NDRG2: variants seen among roughly 807,000 people sequenced by gnomAD.
NDRG2 encodes the protein NDRG family member 2.
A neutral mutation model predicts 58.2 loss-of-function variants in NDRG2; 34 were observed. That is an observed-to-expected ratio of 0.58 (90% CI 0.44 to 0.78). The LOEUF (loss-of-function observed/expected upper bound fraction) is 0.78. Ranked by LOEUF, NDRG2 falls within the 30% of genes least tolerant of loss-of-function variation. The pLI, the probability that NDRG2 is intolerant of heterozygous loss-of-function variation, is 0.00. For synonymous variants in NDRG2, 187 were observed against 175.9 expected (o/e 1.06, Z -0.50); for missense variants, 434 against 471.2 (o/e 0.92, Z 0.73).
chr14:21,064,600 C>T (rs1886157391), intron 1 of NDRG2, among the ~76,000 whole-genome samples: 1 of 152,176 alleles, frequency 6.6e-6, no homozygotes, highest in African/African-American at 2.4e-5. Flanking sequence ...CCGCACCCAG[C>T]CTACTTGATG....
chr14:21,020,533 G>T lies in NDRG2; in HGVS notation c.518C>A (p.Pro173His), dbSNP rs1172869529. 1.2e-6 allele frequency: 2 copies of T among 1,613,710 alleles called. No individual in the cohort carries two copies. Among genetic ancestry groups the T allele is most frequent in the Admixed American group, 1.7e-5 (1 of 59,988 alleles). Residue 173 changes from proline (P) to histidine (H), a missense_variant, in exon 8 of 16, where the codon CCC (proline) becomes CAC (histidine). Coordinates refer to ENST00000556147, the MANE Select transcript of NDRG2 (RefSeq NM_001320329.2). Reference protein sequence around the residue: ...VEGLVLINIDPNAKGWMDWAA... With the variant: ...VEGLVLINIDHNAKGWMDWAA... ...CCAATCCATCCAACCCTTGGCATTG[G>T]GATCAATGTTGATGAGGACAAGACC...
intron 1 of NDRG2, among the ~76,000 whole-genome samples, chr14:21,060,465 G>T (rs535148189): frequency 2.6e-5 from 4 of 152,174 alleles, no homozygotes. Context: ...ACTTCCTGCG[G>T]CTGCGCCTTA....
chr14:21,022,941 T>C (rs1188866220), intron 2 of NDRG2, 36 bp from the exon 3 acceptor site: 2 of 1,613,290 alleles, frequency 1.2e-6, no homozygotes, highest in East Asian at 4.5e-5. Flanking sequence ...CAGAAACACA[T>C]GACCATGTGG....
chr14:21,057,945 T>C (rs1594516393), intron 1 of NDRG2: 1 of 1,614,084 alleles, frequency 6.2e-7, no homozygotes, highest in Non-Finnish European at 8.5e-7. Context: ...CTTCTGGGGC[T>C]GTGGGTGGCA....
At position 21,023,567 on chromosome 14, in the gene NDRG2, T is replaced by A. The variant is rs879928806; in HGVS notation, c.-6-246A>T. 3.0e-5 allele frequency: 15 copies of A among 494,546 alleles called. No homozygotes were observed. In the Admixed American group the frequency reaches 5.2e-4, roughly 17 times the overall value. 30.6% of individuals were successfully genotyped at this position (494,546 alleles called of 1,614,324 possible). A position where few individuals can be genotyped will look rare whatever the true frequency, so the allele number is the denominator to read the frequency against. ...ATACTCACCATCCCCACTGCCACCC[T>A]CAACACCACACCTCCAGACCCCTCC... is the stretch of plus-strand genomic sequence containing the variant. On this transcript the variant is annotated intron_variant, in intron 1 of 15. Coordinates refer to ENST00000556147, the MANE Select transcript of NDRG2 (RefSeq NM_001320329.2).
chr14:21,037,109 C>T (rs542204383), intron 1 of NDRG2, among the ~76,000 whole-genome samples: 39 of 129,358 alleles, frequency 3.0e-4, no homozygotes, highest in African/African-American at 8.2e-4. Flanking sequence ...CACCCATCAC[C>T]GCTCTTCGCT....
intron 1 of NDRG2, chr14:21,043,017 T>C: frequency 6.2e-7 from 1 of 1,614,018 alleles, no homozygotes; most frequent in Non-Finnish European, 8.5e-7. Context: ...AGCAGGATTC[T>C]GCCCCCTTCT....
rs754177738 is a variant in NDRG2 at position 21,070,389 on chromosome 14, G to C, written c.24+439C>G. On this transcript the variant is annotated intron_variant, in intron 1 of 14. Coordinates refer to the NDRG2 transcript ENST00000403829. This position sits in a 1 kb window ranked among gnomAD's most constrained non-coding sequence, Gnocchi z 4.7. ...GACCAAGCGTCGGACGCGGCCCGGC[G>C]CCGAGCCATGGTGAGTCCAGCGTCG... is the stretch of plus-strand genomic sequence containing the variant. The C allele has an allele frequency of 1.4e-6, 2 of 1,409,988 alleles. No individual in the cohort carries two copies. The highest frequency in any genetic ancestry group is 1.8e-6 in the Non-Finnish European group (2 of 1,090,644). The allele number at this position is 1,409,988 out of a possible 1,614,324, so 87.3% of individuals were successfully genotyped here.
chr14:21,017,363 G>C lies in NDRG2; in HGVS notation c.*233C>G. ...ACCTTAACATCAAAATGGGGGAGGA[G>C]GAGAATTTAGGGGTCTGGGTCCCTA... On this transcript the variant is annotated 3_prime_UTR_variant, in exon 16 of 16. Transcript: ENST00000556147. 1 of 578,154 alleles carries C rather than the reference G, an allele frequency of 1.7e-6. No homozygotes were observed. The highest frequency in any genetic ancestry group is 3.1e-6 in the Non-Finnish European group (1 of 325,488). 35.8% of individuals were successfully genotyped at this position (578,154 alleles called of 1,614,324 possible). A position where few individuals can be genotyped will look rare whatever the true frequency, so the allele number is the denominator to read the frequency against.
At chr14:21,066,101 C>T (rs1886248157) in intron 1 of NDRG2, among the ~76,000 whole-genome samples, 1 of 151,928 alleles carries the variant, frequency 6.6e-6, no homozygotes, top group Non-Finnish European at 1.5e-5. Context: ...TTTTTTTCAA[C>T]AATAACAACA....
intron 1 of NDRG2, among the ~76,000 whole-genome samples, chr14:21,039,849 G>A (rs918494158): frequency 1.4e-4 from 22 of 152,118 alleles, no homozygotes; most frequent in African/African-American, 3.9e-4. Context: ...CAGCATACTC[G>A]AGTTGAAGAG....
chr14:21,037,978 G>C (rs1249668862), intron 1 of NDRG2, among the ~76,000 whole-genome samples: 1 of 152,202 alleles, frequency 6.6e-6, no homozygotes, highest in Non-Finnish European at 1.5e-5. Context: ...ATTTTGCTCT[G>C]AGTGGGCTCA....
Position 21,017,648 on chromosome 14 carries a change from G to T in NDRG2, c.1064C>A (p.Ser355Tyr). 3 of 1,613,418 alleles carry T rather than the reference G, an allele frequency of 1.9e-6. No homozygotes were observed. The highest frequency in any genetic ancestry group is 2.5e-6 in the Non-Finnish European group (3 of 1,179,730). ...RSRTLSQSSESGTLSSGPPGH... is the reference protein window; with the variant it reads ...RSRTLSQSSEYGTLSSGPPGH... Reference sequence around the variant, plus strand: ...CGGGGGCCCCGAAGAAAGAGTTCCAGACTCGCTGCTCTGGGACAGGGTGCG... The same window carrying T: ...CGGGGGCCCCGAAGAAAGAGTTCCATACTCGCTGCTCTGGGACAGGGTGCG... Residue 355 changes from serine to tyrosine, a missense_variant, in exon 16 of 16, where the codon TCT (serine) becomes TAT (tyrosine). Coordinates refer to ENST00000556147, the MANE Select transcript of NDRG2 (RefSeq NM_001320329.2).
At chr14:21,018,935 C>A in intron 11 of NDRG2, 121 bp from the exon 12 acceptor site, 1 of 1,349,542 alleles carries the variant, frequency 7.4e-7, no homozygotes, top group Admixed American at 2.1e-5. Context: ...CTGTGTCTCC[C>A]TGCTGATGCC....
chr14:21,061,988 T>G (rs28592972), intron 1 of NDRG2, among the ~76,000 whole-genome samples: 15,125 of 152,204 alleles, frequency 0.099, 2,100 homozygotes, highest in African/African-American at 0.31. Flanking sequence ...AAATATCTCT[T>G]TTAATGTTTA....
chr14:21,018,566 G>C, intron 12 of NDRG2, 62 bp from the exon 13 acceptor site: 1 of 1,593,140 alleles, frequency 6.3e-7, no homozygotes, highest in Non-Finnish European at 8.5e-7. Context: ...CCCCCGTAAG[G>C]GACCCAGGAA....
intron 1 of NDRG2, among the ~76,000 whole-genome samples, chr14:21,053,150 T>C (rs1456682440): frequency 1.3e-5 from 2 of 152,104 alleles, no homozygotes; most frequent in African/African-American, 4.8e-5. Context: ...TAGTGAAGAT[T>C]CATGTCACTG....
Position 21,024,158 on chromosome 14 carries a change from G to C in NDRG2, c.-135C>G. 1.0e-6 allele frequency: 1 copy of C among 985,344 alleles called. No individual in the cohort carries two copies. The highest frequency in any genetic ancestry group is 1.2e-6 in the Non-Finnish European group (1 of 829,932). The allele number at this position is 985,344 out of a possible 1,614,324, so 61.0% of individuals were successfully genotyped here. A position where few individuals can be genotyped will look rare whatever the true frequency, so the allele number is the denominator to read the frequency against. ...GACAGACCTGGGGTCTTTCAGGGAC[G>C]GAAAGCCTCAGCCAAGACCCAGACT... On this transcript the variant is annotated 5_prime_UTR_variant, in exon 1 of 16. Transcript: ENST00000556147.
chr14:21,043,497 C>T, intron 1 of NDRG2: 2 of 1,434,378 alleles, frequency 1.4e-6, no homozygotes, highest in South Asian at 2.6e-5. Context: ...GGCTGACCTT[C>T]AATTCCCTCT....
Sources: gnomAD v4.1 joint callset for allele counts (sites outside exome capture counted in the v4.1 genomes callset) on GRCh38, gnomAD v4.1.1 for gene constraint, Gnocchi (gnomAD v3.1) non-coding constraint, MANE v1.5 for transcripts, NCBI Gene and HGNC (gene_info 2026-07-23, HGNC 2026-07-21) for gene names.